Variants in TTBK1 observed in about 807,000 individuals in gnomAD.
TTBK1 encodes tau-tubulin kinase 1.
TTBK1 carries 34 observed loss-of-function variants against 108.5 expected under a neutral mutation model. The ratio of observed to expected loss-of-function variants is 0.31; its 90% confidence interval spans 0.24 to 0.42. TTBK1 has a LOEUF of 0.42. Ranked by LOEUF, TTBK1 falls within the 10% of genes least tolerant of loss-of-function variation. The pLI, the probability that TTBK1 is intolerant of heterozygous loss-of-function variation, is 1.00. For synonymous variants in TTBK1, 809 were observed against 795.1 expected (o/e 1.02, Z -0.29); for missense variants, 1,539 against 1,826.0 (o/e 0.84, Z 2.86).
intron 12 of TTBK1, among the ~76,000 whole-genome samples, chr6:43,261,174 G>A (rs554383601): frequency 5.9e-5 from 9 of 152,286 alleles, no homozygotes; most frequent in African/African-American, 1.4e-4. Flanking sequence ...CAGGTCCCAC[G>A]TAGGCTGGGG....
Position 43,269,954 on chromosome 6 carries a change from TG to T in TTBK1, c.1986+6607del. ...CCCGGTTCACCCACAAGACCTAGGC[TG>T]GGCCCCCCCCCTCCTGGAGGGGGCA... On this transcript the variant is annotated intron_variant, in intron 13 of 14. Transcript: ENST00000259750. The surrounding 1 kb of genome is among the most constrained non-coding windows in gnomAD (Gnocchi z 4.8). 4 of 1,435,754 alleles carry T rather than the reference TG, an allele frequency of 2.8e-6. No individual in the cohort carries two copies. The highest frequency in any genetic ancestry group is 1.5e-5 in the African/African-American group (1 of 68,644). The allele number at this position is 1,435,754 out of a possible 1,614,324, so 88.9% of individuals were successfully genotyped here.
chr6:43,249,977 G>C (rs141759432), intron 2 of TTBK1, among the ~76,000 whole-genome samples: 143 of 150,732 alleles, frequency 9.5e-4, no homozygotes, highest in African/African-American at 2.5e-3. Flanking sequence ...CCTAGCTGTG[G>C]TGCAAGGGAG....
Position 43,283,377 on chromosome 6 carries a change from G to A in TTBK1, c.2637G>A (p.Leu879=). The part of the protein sequence containing the change: ...HERPQPTGSQ[L]DVSEPGTLSS... ...GGCCCCAGCCCACGGGCAGCCAGCTGGACGTATCTGAGCCAGGCACCCTGT... is the reference window on the plus strand; with the variant it reads ...GGCCCCAGCCCACGGGCAGCCAGCTAGACGTATCTGAGCCAGGCACCCTGT... The change falls in exon 14 of 15, where the codon CTG becomes CTA. Residue 879 remains leucine, a synonymous_variant. Transcript: ENST00000259750. The surrounding 1 kb of genome is among the most constrained non-coding windows in gnomAD (Gnocchi z 8.1). The A allele has an allele frequency of 1.2e-6, 2 of 1,605,800 alleles. No homozygotes were observed. Among genetic ancestry groups the A allele is most frequent in the Non-Finnish European group, 1.7e-6 (2 of 1,176,126 alleles).
chr6:43,275,063 A>G (rs1412503888), intron 13 of TTBK1, among the ~76,000 whole-genome samples: 1 of 151,656 alleles, frequency 6.6e-6, no homozygotes, highest in Non-Finnish European at 1.5e-5. Flanking sequence ...TCACGCACTC[A>G]CACTCACACC....
chr6:43,276,414 C>G lies in TTBK1; in HGVS notation c.1987-6313C>G, dbSNP rs2150708566. The stretch of plus-strand genomic sequence containing the variant: ...AGAAAAGCATGCACTGAGCCCCCTG[C>G]CCCTAGACTGCGAGTACTGTACAAA... On this transcript the variant is annotated intron_variant, in intron 13 of 14. Coordinates refer to ENST00000259750, the MANE Select transcript of TTBK1 (RefSeq NM_032538.3). This position sits in a 1 kb window ranked among gnomAD's most constrained non-coding sequence, Gnocchi z 5.4. Among the ~76,000 whole-genome samples, 1 of 152,270 alleles carries G rather than the reference C, an allele frequency of 6.6e-6. No individual in the cohort carries two copies. Among genetic ancestry groups the G allele is most frequent in the East Asian group, 1.9e-4 (1 of 5,166 alleles).
chr6:43,255,359 G>A (rs187890800), intron 7 of TTBK1, among the ~76,000 whole-genome samples, 193 bp from the exon 8 acceptor site: 3 of 152,312 alleles, frequency 2.0e-5, no homozygotes, highest in East Asian at 1.9e-4. Flanking sequence ...AGCACACACG[G>A]TAGTTTTGGC....
chr6:43,267,882 TA>T (rs1269090886), intron 13 of TTBK1, among the ~76,000 whole-genome samples: 1 of 152,176 alleles, frequency 6.6e-6, no homozygotes, highest in East Asian at 1.9e-4. Flanking sequence ...GACAGTGTGC[TA>T]GGGGCTGGGG....
At chr6:43,270,085 C>T in intron 13 of TTBK1, 1 of 1,406,384 alleles carries the variant, frequency 7.1e-7, no homozygotes, top group African/African-American at 1.5e-5. Flanking sequence ...ATACAGCCCC[C>T]CTAGAACGTT....
chr6:43,253,429 G>T lies in TTBK1; in HGVS notation c.330+65G>T. On this transcript the variant is annotated intron_variant, in intron 4 of 14. Transcript: ENST00000259750. This position sits in a 1 kb window ranked among gnomAD's most constrained non-coding sequence, Gnocchi z 5.8. Reference sequence around the variant, plus strand: ...GCTTGGGCTGTGACTCCAGGGTAGGGGAAGGGAAGGTAGACTGTGGCCCTG... The same window carrying T: ...GCTTGGGCTGTGACTCCAGGGTAGGTGAAGGGAAGGTAGACTGTGGCCCTG... 6.2e-7 allele frequency: 1 copy of T among 1,606,620 alleles called. No homozygotes were observed. The highest frequency in any genetic ancestry group is 8.5e-7 in the Non-Finnish European group (1 of 1,174,868).
chr6:43,285,514 G>A lies in TTBK1; in HGVS notation c.*138G>A. 5.3e-6 allele frequency: 6 copies of A among 1,123,888 alleles called. No homozygotes were observed. The highest frequency in any genetic ancestry group is 6.7e-6 in the Non-Finnish European group (6 of 896,544). The allele number at this position is 1,123,888 out of a possible 1,614,324, so 69.6% of individuals were successfully genotyped here. ...CGGCCCCAGCTTTCCGCCTGCACCC[G>A]CGAGGACGCGCGCGAGCACACGCGG... On this transcript the variant is annotated 3_prime_UTR_variant, in exon 15 of 15. Coordinates refer to ENST00000259750, the MANE Select transcript of TTBK1 (RefSeq NM_032538.3). The surrounding 1 kb of genome is among the most constrained non-coding windows in gnomAD (Gnocchi z 4.7).
chr6:43,249,824 A>G (rs1036502084), intron 2 of TTBK1, among the ~76,000 whole-genome samples: 3 of 151,674 alleles, frequency 2.0e-5, no homozygotes, highest in Admixed American at 6.6e-5. Context: ...TCATCCACCC[A>G]CCTCAGCCTC....
chr6:43,269,280 A>G lies in TTBK1; in HGVS notation c.1986+5930A>G, dbSNP rs918520744. On this transcript the variant is annotated intron_variant, in intron 13 of 14. Coordinates refer to ENST00000259750, the MANE Select transcript of TTBK1 (RefSeq NM_032538.3). The surrounding 1 kb of genome is among the most constrained non-coding windows in gnomAD (Gnocchi z 4.8). The stretch of plus-strand genomic sequence containing the variant: ...TCAACACATGGCAAGGAACTCTCTC[A>G]GAGCACACAGCCACGTTCCTGAGAG... 6.6e-6 allele frequency among the ~76,000 whole-genome samples: 1 copy of G among 152,238 alleles called. No individual in the cohort carries two copies.
At position 43,259,298 on chromosome 6, in the gene TTBK1, G is replaced by A; in HGVS notation, c.1248+29G>A. On this transcript the variant is annotated intron_variant, in intron 11 of 14. Transcript: ENST00000259750. The surrounding 1 kb of genome is among the most constrained non-coding windows in gnomAD (Gnocchi z 6.7). Reference sequence around the variant, plus strand: ...ACTGCCGCCAGGGCGAAGGGCGTGGGTGGCCTTTTCTCTCACCCCCGATTC... The same window carrying A: ...ACTGCCGCCAGGGCGAAGGGCGTGGATGGCCTTTTCTCTCACCCCCGATTC... The A allele has an allele frequency of 6.6e-7, 1 of 1,518,578 alleles. No individual in the cohort carries two copies. The highest frequency in any genetic ancestry group is 1.3e-5 in the South Asian group (1 of 77,022). 94.1% of individuals were successfully genotyped at this position (1,518,578 alleles called of 1,614,324 possible).
intron 13 of TTBK1, among the ~76,000 whole-genome samples, chr6:43,268,380 C>T (rs1287683273): frequency 2.0e-5 from 3 of 152,162 alleles, no homozygotes; most frequent in Non-Finnish European, 4.4e-5. Flanking sequence ...AAACGGAAAG[C>T]AAGGTGGGAG....
At chr6:43,267,892 G>A (rs1043867931) in intron 13 of TTBK1, among the ~76,000 whole-genome samples, 2 of 152,194 alleles carry the variant, frequency 1.3e-5, no homozygotes, top group Non-Finnish European at 2.9e-5. Flanking sequence ...TAGGGGCTGG[G>A]GGACAAAGAT....
In TTBK1 at chr6:43,263,307, G is replaced by T. The variant is rs561976040; in HGVS notation, c.1943G>T (p.Arg648Leu). 20 of 1,485,060 alleles carry T rather than the reference G, an allele frequency of 1.3e-5. No individual in the cohort carries two copies. The African/African-American group carries it at 2.5e-4, about 19-fold the overall frequency. The allele number at this position is 1,485,060 out of a possible 1,614,324, so 92.0% of individuals were successfully genotyped here. ...CACTCACCCCTGCACTCGGGACCCCGCCCTCGACGGAGAGAGTCGGACCCC... is the reference window on the plus strand; with the variant it reads ...CACTCACCCCTGCACTCGGGACCCCTCCCTCGACGGAGAGAGTCGGACCCC... ...PSHSPLHSGP[R>L]PRRRESDPTG... The change falls in exon 13 of 15, where the codon CGC becomes CTC. Residue 648 changes from arginine (R) to leucine (L), a missense_variant. Around this residue, in one of 5 missense-constraint regions of TTBK1, gnomAD observed 1,055 missense variants for 1,086.5 expected, o/e 0.97. Transcript: ENST00000259750. The surrounding 1 kb of genome is among the most constrained non-coding windows in gnomAD (Gnocchi z 4.7).
At position 43,262,770 on chromosome 6, in the gene TTBK1, G is replaced by T. The variant is rs369712297; in HGVS notation, c.1425-19G>T. The stretch of plus-strand genomic sequence containing the variant: ...CCAGTGGGGCCAGGTATTGAGCCCC[G>T]TGAGGGGTGGCTTTGCAGGTCACGG... On this transcript the variant is annotated intron_variant, in intron 12 of 14. Coordinates refer to ENST00000259750, the MANE Select transcript of TTBK1 (RefSeq NM_032538.3). 12 of 1,530,410 alleles carry T rather than the reference G, an allele frequency of 7.8e-6. No individual in the cohort carries two copies. Among genetic ancestry groups the T allele is most frequent in the Non-Finnish European group, 1.1e-5 (12 of 1,135,438 alleles). The allele number at this position is 1,530,410 out of a possible 1,614,324, so 94.8% of individuals were successfully genotyped here. A position where few individuals can be genotyped will look rare whatever the true frequency, so the allele number is the denominator to read the frequency against.
At chr6:43,254,164 T>A (rs1777323067) in intron 5 of TTBK1, among the ~76,000 whole-genome samples, 1 of 152,190 alleles carries the variant, frequency 6.6e-6, no homozygotes, top group South Asian at 2.1e-4. Context: ...AAAGGTTAGT[T>A]GAAAGGTTCA....
rs1476660302 is a variant in TTBK1, at chr6:43,263,611, C to T, written c.1986+261C>T. Among the ~76,000 whole-genome samples, 38 of 152,198 alleles carry T rather than the reference C, an allele frequency of 2.5e-4. No individual in the cohort carries two copies. The highest frequency in any genetic ancestry group is 2.3e-3 in the Admixed American group (35 of 15,280). ...AAGTGACAAGGCAGGAGAAGGGCCT[C>T]GCAGGCCACGGGCACAGTGTTTTGC... On this transcript the variant is annotated intron_variant, in intron 13 of 14. Coordinates refer to ENST00000259750, the MANE Select transcript of TTBK1 (RefSeq NM_032538.3). The surrounding 1 kb of genome is among the most constrained non-coding windows in gnomAD (Gnocchi z 4.7).
Sources: gnomAD v4.1 joint callset for allele counts (sites outside exome capture counted in the v4.1 genomes callset) on GRCh38, gnomAD v4.1.1 for gene constraint, gnomAD v4.1.1 regional missense constraint, Gnocchi (gnomAD v3.1) non-coding constraint, MANE v1.5 for transcripts, NCBI Gene and HGNC (gene_info 2026-07-23, HGNC 2026-07-21) for gene names.